Variants in DHX32 observed in about 807,000 individuals in gnomAD.
DHX32 encodes putative pre-mRNA-splicing factor ATP-dependent RNA helicase DHX32.
In DHX32, 51 loss-of-function variants were observed where a neutral mutation model predicts 70.0. That is an observed-to-expected ratio of 0.73 (90% CI 0.58 to 0.92). The LOEUF (loss-of-function observed/expected upper bound fraction) is 0.92, where lower values mean the gene tolerates loss of function less well. Ranked by LOEUF, DHX32 falls within the 40% of genes least tolerant of loss-of-function variation. The pLI, the probability that DHX32 is intolerant of heterozygous loss-of-function variation, is 0.00. For synonymous variants in DHX32, 310 were observed against 315.3 expected, an observed-to-expected ratio of 0.98 and a Z score of 0.18; for missense variants, 762 against 891.8, an observed-to-expected ratio of 0.85 and a Z score of 1.85.
intron 10 of DHX32, among the ~76,000 whole-genome samples, chr10:125,837,558 C>T (rs934800265): frequency 6.6e-6 from 1 of 152,174 alleles, no homozygotes; most frequent in African/African-American, 2.4e-5. Flanking sequence ...TCTCAAGTAG[C>T]TGGGACTATA....
intron 1 of DHX32, among the ~76,000 whole-genome samples, chr10:125,894,286 C>T (rs1446775865): frequency 3.3e-5 from 5 of 152,076 alleles, no homozygotes; most frequent in Non-Finnish European, 7.4e-5. Context: ...AAAGTGTATC[C>T]CTATATCCAA....
intron 7 of DHX32, 63 bp from the exon 8 acceptor site, chr10:125,841,059 G>A: frequency 6.5e-7 from 1 of 1,544,500 alleles, no homozygotes. Context: ...AGCCTAACAT[G>A]CAGAGGGGAG....
At chr10:125,878,236 T>G (rs1944295867) in intron 1 of DHX32, among the ~76,000 whole-genome samples, 1 of 152,204 alleles carries the variant, frequency 6.6e-6, no homozygotes, top group Non-Finnish European at 1.5e-5. Context: ...AGTGTAGACA[T>G]AGGAGTAGCT....
At chr10:125,851,690 T>G (rs1944091177) in intron 6 of DHX32, among the ~76,000 whole-genome samples, 1 of 152,152 alleles carries the variant, frequency 6.6e-6, no homozygotes, top group Admixed American at 6.5e-5. Context: ...GAGCTGGTTA[T>G]TCTGAGAAAC....
intron 1 of DHX32, among the ~76,000 whole-genome samples, chr10:125,893,088 T>C (rs1446794655): frequency 2.0e-5 from 3 of 152,264 alleles, no homozygotes; most frequent in African/African-American, 7.2e-5. Flanking sequence ...TAAAATTCTA[T>C]AGGAAAGCAT....
rs998573073 is a variant in DHX32 at position 125,866,875 on chromosome 10, C to A, written c.476+115G>T. 2.5e-5 allele frequency: 28 copies of A among 1,122,760 alleles called. No individual in the cohort carries two copies. Among genetic ancestry groups the A allele is most frequent in the Non-Finnish European group, 3.5e-5 (28 of 789,098 alleles). 69.5% of individuals were successfully genotyped at this position (1,122,760 alleles called of 1,614,324 possible). ...GCTGGCTGATGACAGAGACCAGTTG[C>A]TACTGCACAGCATAGATGCTTAACA... On this transcript the variant is annotated intron_variant, in intron 2 of 10. Coordinates refer to ENST00000284690, the MANE Select transcript of DHX32 (RefSeq NM_018180.3). This position sits in a 1 kb window ranked among gnomAD's most constrained non-coding sequence, Gnocchi z 4.8.
At chr10:125,887,814 C>T (rs919199620) in intron 1 of DHX32, among the ~76,000 whole-genome samples, 6 of 151,860 alleles carry the variant, frequency 4.0e-5, no homozygotes, top group Non-Finnish European at 8.8e-5. Context: ...TAACACCCAC[C>T]TTCAATTTTC....
At position 125,867,075 on chromosome 10, in the gene DHX32, C is replaced by T; in HGVS notation, c.391G>A (p.Ala131Thr). 1 of 1,614,234 alleles carries T rather than the reference C, an allele frequency of 6.2e-7. No individual in the cohort carries two copies. Among genetic ancestry groups the T allele is most frequent in the Non-Finnish European group, 8.5e-7 (1 of 1,180,048 alleles). Residue 131 changes from alanine to threonine, a missense_variant, in exon 2 of 11, where the codon GCG (alanine) becomes ACG (threonine). By Grantham distance (58) the Ala-to-Thr change is moderately conservative. Around this residue, in one of 3 missense-constraint regions of DHX32, gnomAD observed 394 missense variants for 473.1 expected, o/e 0.83. Transcript: ENST00000284690. ...QTVVQLALRVADEMDVNIGHE... is the reference protein window; with the variant it reads ...QTVVQLALRVTDEMDVNIGHE... ...CCAATGTTAACATCCATTTCATCCG[C>T]CACCCGCAGGGCGAGCTGGACCACA... is the stretch of plus-strand genomic sequence containing the variant.
Position 125,866,549 on chromosome 10 carries a change from C to T in DHX32, c.476+441G>A, listed in dbSNP as rs59111193. On this transcript the variant is annotated intron_variant, in intron 2 of 10. Coordinates refer to ENST00000284690, the MANE Select transcript of DHX32 (RefSeq NM_018180.3). The surrounding 1 kb of genome is among the most constrained non-coding windows in gnomAD (Gnocchi z 4.8). ...CTTCCTGGAGTAGGTGGCTGCTACA[C>T]TGCATACTGAGTGACTAGGAGGAAC... Among the ~76,000 whole-genome samples, 1 of 152,182 alleles carries T rather than the reference C, an allele frequency of 6.6e-6. No homozygotes were observed. Among genetic ancestry groups the T allele is most frequent in the Non-Finnish European group, 1.5e-5 (1 of 68,026 alleles).
rs568225579 is a variant in DHX32, at chr10:125,846,627, T to A, written c.1352-4693A>T. On this transcript the variant is annotated intron_variant, in intron 6 of 10. Transcript: ENST00000284690. ...ACGTAAATCAAGAATCCTGCTCTAC[T>A]GGAAATGCACTTTTACCTCCAAATT... 1.3e-4 allele frequency among the ~76,000 whole-genome samples: 20 copies of A among 152,324 alleles called. 1 individual carries two copies. In the South Asian group the frequency reaches 3.7e-3, roughly 28 times the overall value.
intron 1 of DHX32, among the ~76,000 whole-genome samples, chr10:125,891,904 C>T (rs529029018): frequency 1.4e-4 from 22 of 152,280 alleles, no homozygotes; most frequent in East Asian, 1.4e-3. Flanking sequence ...CCCTTACCCT[C>T]TTATTCCACA....
At chr10:125,841,387 A>G (rs528804025) in intron 7 of DHX32, 3 of 1,610,166 alleles carry the variant, frequency 1.9e-6, no homozygotes, top group African/African-American at 2.7e-5. Context: ...AGGATGAATG[A>G]AGCCAATAGG....
At chr10:125,882,855 T>C (rs1468678683), upstream of DHX32, among the ~76,000 whole-genome samples, 1 of 152,218 alleles carries the variant, frequency 6.6e-6, no homozygotes, top group Non-Finnish European at 1.5e-5. Flanking sequence ...AATTCCACTC[T>C]TCAGAGAAGT....
intron 7 of DHX32, 182 bp downstream of exon 7, chr10:125,841,561 A>G: frequency 1.4e-6 from 2 of 1,429,976 alleles, no homozygotes; most frequent in African/African-American, 2.9e-5. Context: ...ATAATTTTTC[A>G]TATTAAGAAA....
intron 3 of DHX32, among the ~76,000 whole-genome samples, chr10:125,855,840 G>A (rs778101436): frequency 6.6e-5 from 10 of 152,124 alleles, no homozygotes; most frequent in Non-Finnish European, 1.3e-4. Flanking sequence ...TCTTTATTTG[G>A]TTCTAGCTGC....
chr10:125,869,299 G>A (rs2134063426), intron 1 of DHX32: 1 of 152,286 alleles, frequency 6.6e-6, no homozygotes, highest in Non-Finnish European at 1.5e-5. Context: ...CTTTAGGCCA[G>A]GCATGGTGGC....
At chr10:125,848,321 C>T (rs948432306) in intron 6 of DHX32, among the ~76,000 whole-genome samples, 1 of 152,148 alleles carries the variant, frequency 6.6e-6, no homozygotes, top group Non-Finnish European at 1.5e-5. Context: ...CTGGCATTTG[C>T]CTAACTCCTA....
In DHX32 at chr10:125,838,262, T is replaced by A. The variant is rs746824503; in HGVS notation, c.2007A>T (p.Lys669Asn). 6.2e-7 allele frequency: 1 copy of A among 1,613,488 alleles called. No individual in the cohort carries two copies. Among genetic ancestry groups the A allele is most frequent in the Admixed American group, 1.7e-5 (1 of 59,862 alleles). ...KKMPEWVLFHKFSISENNYIR... is the reference protein window; with the variant it reads ...KKMPEWVLFHNFSISENNYIR... ...TGTAGTTGTTCTCAGAAATGCTGAATTTATGGAAGAGGACCCACTCTGGCA... is the reference window on the plus strand; with the variant it reads ...TGTAGTTGTTCTCAGAAATGCTGAAATTATGGAAGAGGACCCACTCTGGCA... The change falls in exon 10 of 11, where the codon AAA becomes AAT. Residue 669 changes from lysine (K) to asparagine (N), a missense_variant. Lys to Asn is a moderately conservative substitution (Grantham distance 94). This residue lies in a region of DHX32 where 366 missense variants were observed against 402.6 expected (regional missense o/e 0.91). Coordinates refer to ENST00000284690, the MANE Select transcript of DHX32 (RefSeq NM_018180.3).
intron 4 of DHX32, chr10:125,853,100 G>A: frequency 1.3e-6 from 2 of 1,514,426 alleles, no homozygotes; most frequent in Non-Finnish European, 1.8e-6. Flanking sequence ...ACTGCGTATG[G>A]CACTAACAAT....
Sources: gnomAD v4.1 joint callset for allele counts (sites outside exome capture counted in the v4.1 genomes callset) on GRCh38, gnomAD v4.1.1 for gene constraint, gnomAD v4.1.1 regional missense constraint, Gnocchi (gnomAD v3.1) non-coding constraint, MANE v1.5 for transcripts, NCBI Gene and HGNC (gene_info 2026-07-23, HGNC 2026-07-21) for gene names.